Variants in KCNH5 observed in about 807,000 individuals in gnomAD.
KCNH5 encodes potassium voltage-gated channel subfamily H member 5, also known as voltage-gated delayed rectifier potassium channel KCNH5.
Under a neutral mutation model 96.1 loss-of-function variants are expected in KCNH5, and 46 were observed. That is an observed-to-expected ratio of 0.48 (90% CI 0.38 to 0.61). KCNH5 has a LOEUF of 0.61. KCNH5 is among the 20% of genes least tolerant of loss of function. The pLI is 0.00. For synonymous variants in KCNH5, 439 were observed against 449.8 expected, an observed-to-expected ratio of 0.98 and a Z score of 0.30; for missense variants, 907 against 1,225.8, an observed-to-expected ratio of 0.74 and a Z score of 3.88.
chr14:62,919,777 CA>C (rs1200753632), intron 7 of KCNH5, among the ~76,000 whole-genome samples: 2 of 152,074 alleles, frequency 1.3e-5, no homozygotes, highest in Admixed American at 6.6e-5. Context: ...TATCATGTGT[CA>C]CCTAAGGACA....
chr14:62,711,121 G>C (rs1420450120), intron 10 of KCNH5, among the ~76,000 whole-genome samples: 2 of 152,124 alleles, frequency 1.3e-5, no homozygotes, highest in Non-Finnish European at 2.9e-5. Flanking sequence ...CAATTATTGT[G>C]TGCTTACCAA....
At chr14:63,031,513 G>A (rs1020632699) in intron 1 of KCNH5, among the ~76,000 whole-genome samples, 5 of 152,058 alleles carry the variant, frequency 3.3e-5, no homozygotes, top group African/African-American at 1.2e-4. Flanking sequence ...AACATGATCG[G>A]ACTGGTTTTT....
chr14:62,872,696 G>C (rs916111252), intron 7 of KCNH5, among the ~76,000 whole-genome samples: 2 of 150,562 alleles, frequency 1.3e-5, no homozygotes, highest in African/African-American at 4.9e-5. Flanking sequence ...CCATCTTAAA[G>C]AAAAAATCTA....
chr14:62,826,408 ATG>A (rs71451280), intron 8 of KCNH5, among the ~76,000 whole-genome samples: 1,680 of 142,024 alleles, frequency 0.012, 22 homozygotes, highest in East Asian at 0.05. Flanking sequence ...GCGTGCGTGC[ATG>A]TGTGTGTGTG....
chr14:63,008,218 T>C (rs1250950421), intron 2 of KCNH5, among the ~76,000 whole-genome samples: 1 of 152,164 alleles, frequency 6.6e-6, no homozygotes, highest in Non-Finnish European at 1.5e-5. Flanking sequence ...CTGAAGCTTA[T>C]ACAATTTGTG....
At chr14:63,020,577 T>C (rs1891407218) in intron 1 of KCNH5, among the ~76,000 whole-genome samples, 1 of 152,174 alleles carries the variant, frequency 6.6e-6, no homozygotes, top group Non-Finnish European at 1.5e-5. Flanking sequence ...ATATGAAGCT[T>C]AAATATAGGG....
intron 10 of KCNH5, among the ~76,000 whole-genome samples, chr14:62,713,838 C>T (rs1188455180): frequency 6.6e-6 from 1 of 152,144 alleles, no homozygotes; most frequent in Non-Finnish European, 1.5e-5. Context: ...TCTACAAGTC[C>T]TTACAGTTTT....
chr14:62,856,568 C>T (rs1887933709), intron 7 of KCNH5, among the ~76,000 whole-genome samples: 1 of 152,200 alleles, frequency 6.6e-6, no homozygotes, highest in Non-Finnish European at 1.5e-5. Context: ...CTGTGATCAT[C>T]TGTGTAGCAC....
intron 7 of KCNH5, among the ~76,000 whole-genome samples, chr14:62,903,303 C>A (rs1248478050): frequency 1.3e-5 from 2 of 152,116 alleles, no homozygotes; most frequent in Non-Finnish European, 1.5e-5. Context: ...TCAGTTCATT[C>A]CTCATCTGTA....
intron 10 of KCNH5, among the ~76,000 whole-genome samples, chr14:62,755,737 C>T (rs1885608011): frequency 6.6e-6 from 1 of 152,134 alleles, no homozygotes; most frequent in African/African-American, 2.4e-5. Flanking sequence ...AATTCAACAA[C>T]ACATTTAAAA....
chr14:62,780,937 T>C (rs1886198312), intron 9 of KCNH5, among the ~76,000 whole-genome samples: 1 of 152,178 alleles, frequency 6.6e-6, no homozygotes, highest in Non-Finnish European at 1.5e-5. Flanking sequence ...TGATTTATTC[T>C]TTCTGCACTC....
At chr14:63,028,684 A>G (rs1360441202) in intron 1 of KCNH5, among the ~76,000 whole-genome samples, 1 of 152,146 alleles carries the variant, frequency 6.6e-6, no homozygotes, top group Non-Finnish European at 1.5e-5. Context: ...CACTGCAGGG[A>G]GAACTAACTC....
At chr14:63,022,344 C>T (rs1385687690) in intron 1 of KCNH5, among the ~76,000 whole-genome samples, 1 of 152,184 alleles carries the variant, frequency 6.6e-6, no homozygotes, top group Non-Finnish European at 1.5e-5. Flanking sequence ...CTCCAGCCCT[C>T]TATCATCTCT....
intron 6 of KCNH5, among the ~76,000 whole-genome samples, chr14:62,974,467 G>A (rs1226531309): frequency 6.6e-6 from 1 of 152,070 alleles, no homozygotes; most frequent in Non-Finnish European, 1.5e-5. Flanking sequence ...TTTACCCTCT[G>A]TTTACAGCTT....
rs773241321 is a variant in KCNH5, at chr14:62,950,311, C to T, written c.1191G>A (p.Gly397=). The change falls in exon 7 of 11, where the codon GGG becomes GGA. Residue 397 remains glycine, a synonymous_variant. Coordinates refer to ENST00000322893, the MANE Select transcript of KCNH5 (RefSeq NM_139318.5). The stretch of plus-strand genomic sequence containing the variant: ...CACTGGTATTGTAGCGATATGGAGT[C>T]CCAATGCTCAAAGCCAGCTGGTAGA... The part of the protein sequence containing the change: ...SWLYQLALSI[G]TPYRYNTSAG... 3 of 1,613,886 alleles carry T rather than the reference C, an allele frequency of 1.9e-6. No homozygotes were observed. Among genetic ancestry groups the T allele is most frequent in the Non-Finnish European group, 1.7e-6 (2 of 1,179,974 alleles).
intron 10 of KCNH5, among the ~76,000 whole-genome samples, chr14:62,758,157 A>G (rs1281348882): frequency 1.3e-5 from 2 of 152,034 alleles, no homozygotes; most frequent in Non-Finnish European, 2.9e-5. Flanking sequence ...AAAAAAAAAA[A>G]AAAGTTACAA....
chr14:62,922,961 T>A (rs1363574805), intron 7 of KCNH5, among the ~76,000 whole-genome samples: 2 of 151,804 alleles, frequency 1.3e-5, no homozygotes, highest in African/African-American at 4.8e-5. Context: ...AATAAGTAAA[T>A]AACATCCAAT....
In KCNH5 at chr14:63,045,228, G is replaced by C. The variant is rs374491950; in HGVS notation, c.-42C>G. 4.0e-5 allele frequency: 59 copies of C among 1,458,752 alleles called. No individual in the cohort carries two copies. The highest frequency in any genetic ancestry group is 5.1e-5 in the Non-Finnish European group (53 of 1,043,700). 90.4% of individuals were successfully genotyped at this position (1,458,752 alleles called of 1,614,324 possible). On this transcript the variant is annotated 5_prime_UTR_variant, in exon 1 of 11. Transcript: ENST00000322893. ...AGCGGCCAGGATCCGCGGCGGGGGAGGGGGGGATGCAGGCAAAGAAGGTGG... is the reference window on the plus strand; with the variant it reads ...AGCGGCCAGGATCCGCGGCGGGGGACGGGGGGATGCAGGCAAAGAAGGTGG...
chr14:62,969,546 T>G (rs751839981), intron 6 of KCNH5, among the ~76,000 whole-genome samples: 5 of 151,724 alleles, frequency 3.3e-5, no homozygotes, highest in Non-Finnish European at 7.4e-5. Context: ...TGAGAGCATG[T>G]GGACACAGGG....
Sources: allele counts gnomAD v4.1 joint callset (sites outside exome capture counted in the v4.1 genomes callset), GRCh38; gene constraint gnomAD v4.1.1; transcripts MANE v1.5; gene names NCBI Gene and HGNC (gene_info 2026-07-23, HGNC 2026-07-21).